MAGI1: variants seen among roughly 807,000 people sequenced by gnomAD.
MAGI1 encodes the protein membrane-associated guanylate kinase, WW and PDZ domain-containing protein 1.
MAGI1 carries 58 observed loss-of-function variants against 139.9 expected under a neutral mutation model. The observed-to-expected ratio is 0.41, with a 90% CI of 0.34 to 0.52. The LOEUF (loss-of-function observed/expected upper bound fraction) is 0.52. Among genes scored for constraint, MAGI1 ranks in the 20% least tolerant of loss-of-function variants. MAGI1 has a pLI of 0.12. For missense variants in MAGI1, 1,874 were observed against 1,901.6 expected, an observed-to-expected ratio of 0.99 and a Z score of 0.27; for synonymous variants, 812 against 737.9, an observed-to-expected ratio of 1.10 and a Z score of -1.63.
At chr3:65,593,399 G>GA (rs1016871198) in intron 2 of MAGI1, among the ~76,000 whole-genome samples, 1 of 147,748 alleles carries the variant, frequency 6.8e-6, no homozygotes, top group Non-Finnish European at 1.5e-5. Flanking sequence ...GATTGTGAAG[G>GA]ATGGGGGGGA....
chr3:65,576,402 A>G (rs1418900409), intron 2 of MAGI1, among the ~76,000 whole-genome samples: 1 of 152,162 alleles, frequency 6.6e-6, no homozygotes, highest in African/African-American at 2.4e-5. Flanking sequence ...GACAATGCTA[A>G]TCAATCCCCG....
intron 2 of MAGI1, among the ~76,000 whole-genome samples, chr3:65,524,313 A>G (rs961472822): frequency 5.3e-5 from 8 of 152,218 alleles, no homozygotes; most frequent in Non-Finnish European, 1.0e-4. Flanking sequence ...AACAATTGCC[A>G]TAGGTAAAAC....
intron 1 of MAGI1, among the ~76,000 whole-genome samples, chr3:65,751,626 T>C (rs2036162192): frequency 6.6e-6 from 1 of 152,206 alleles, no homozygotes; most frequent in Non-Finnish European, 1.5e-5. Flanking sequence ...ACAAAGGCAG[T>C]TTCCAAATGT....
At chr3:65,900,764 G>A (rs993267689) in intron 1 of MAGI1, among the ~76,000 whole-genome samples, 1 of 152,172 alleles carries the variant, frequency 6.6e-6, no homozygotes, top group Non-Finnish European at 1.5e-5. Flanking sequence ...CGCATAGAAC[G>A]CCATTACGCT....
intron 13 of MAGI1, among the ~76,000 whole-genome samples, chr3:65,397,661 A>C (rs987212490): frequency 6.6e-6 from 1 of 152,152 alleles, no homozygotes; most frequent in African/African-American, 2.4e-5. Context: ...GGGAACTCCA[A>C]AGTACTCCAC....
chr3:65,681,539 T>C (rs2087590989), intron 1 of MAGI1, among the ~76,000 whole-genome samples: 1 of 152,220 alleles, frequency 6.6e-6, no homozygotes, highest in African/African-American at 2.4e-5. Context: ...TACACTATCA[T>C]TTTGCTGTCA....
chr3:65,592,273 A>T (rs923522172), intron 2 of MAGI1, among the ~76,000 whole-genome samples: 12 of 152,358 alleles, frequency 7.9e-5, no homozygotes, highest in Middle Eastern at 3.4e-3. Context: ...GTAGGCATGC[A>T]TCTACTGACA....
chr3:65,949,990 A>G (rs2063720537), intron 1 of MAGI1, among the ~76,000 whole-genome samples: 1 of 140,816 alleles, frequency 7.1e-6, no homozygotes. Context: ...GGGAGGCTGC[A>G]GTGAGCCGAG....
chr3:65,388,950 C>T (rs901142215), intron 14 of MAGI1, among the ~76,000 whole-genome samples: 1 of 144,666 alleles, frequency 6.9e-6, no homozygotes, highest in Non-Finnish European at 1.5e-5. Flanking sequence ...TCCAGTGATG[C>T]CTCCTGCCTC....
intron 3 of MAGI1, among the ~76,000 whole-genome samples, chr3:65,482,907 C>T (rs936945569): frequency 6.6e-6 from 1 of 152,180 alleles, no homozygotes; most frequent in Admixed American, 6.5e-5. Context: ...TGTCTAAAGC[C>T]AATTCACATG....
Position 65,442,798 on chromosome 3 carries a change from T to C in MAGI1, c.1130A>G (p.Tyr377Cys), listed in dbSNP as rs1948436570. 1 of 1,612,248 alleles carries C rather than the reference T, an allele frequency of 6.2e-7. No individual in the cohort carries two copies. Among genetic ancestry groups the C allele is most frequent in the Middle Eastern group, 1.7e-4 (1 of 6,050 alleles). Residue 377 changes from tyrosine (Y) to cysteine (C), a missense_variant, in exon 8 of 23, where the codon TAT becomes TGT. By Grantham distance (194) the Tyr-to-Cys change is radical. This residue lies in a region of MAGI1 where 648 missense variants were observed against 598.1 expected (regional missense o/e 1.08). Coordinates refer to ENST00000402939, the MANE Select transcript of MAGI1 (RefSeq NM_001033057.2). ...KIEDPVYGIY[Y>C]VDHINRKTQY... ...ATTGTGAATGGGCACTTACTCTACA[T>C]AGTAGATACCATAGACAGGGTCTTC...
chr3:65,874,725 T>TC (rs1297548683), intron 1 of MAGI1: 1 of 152,166 alleles, frequency 6.6e-6, no homozygotes, highest in Non-Finnish European at 1.5e-5. Flanking sequence ...TTAAAGAGTT[T>TC]CCATTTGAAC....
At chr3:65,481,061 C>G (rs376915356) in intron 3 of MAGI1, among the ~76,000 whole-genome samples, 1 of 152,124 alleles carries the variant, frequency 6.6e-6, no homozygotes, top group Non-Finnish European at 1.5e-5. Flanking sequence ...AAGAGCATCA[C>G]GTTCAAATTT....
At chr3:66,015,805 C>A (rs1240173201) in intron 1 of MAGI1, among the ~76,000 whole-genome samples, 19 of 151,234 alleles carry the variant, frequency 1.3e-4, no homozygotes, top group Non-Finnish European at 2.8e-4. Flanking sequence ...AATGTCTATA[C>A]GCATTTTCTC....
chr3:65,955,205 G>A lies in MAGI1; in HGVS notation c.313+82791C>T, dbSNP rs1047718143. Among the ~76,000 whole-genome samples the A allele has an allele frequency of 2.6e-5, 4 of 152,296 alleles. 1 individual carries two copies. Among genetic ancestry groups the A allele is most frequent in the Admixed American group, 6.5e-5 (1 of 15,282 alleles). On this transcript the variant is annotated intron_variant, in intron 1 of 22. Transcript: ENST00000402939. ...ACGTTAGAGGTAAATAACTTTTTAA[G>A]CTAATAAAAAATAACCTTGGCCAGG... is the stretch of plus-strand genomic sequence containing the variant.
intron 10 of MAGI1, among the ~76,000 whole-genome samples, chr3:65,435,954 G>A (rs189717807): frequency 8.5e-5 from 13 of 152,260 alleles, no homozygotes; most frequent in African/African-American, 3.1e-4. Context: ...AAGAAGGCAT[G>A]AGCCTACAGA....
At chr3:65,461,776 C>T (rs1209529614) in intron 5 of MAGI1, among the ~76,000 whole-genome samples, 2 of 152,120 alleles carry the variant, frequency 1.3e-5, no homozygotes, top group African/African-American at 2.4e-5. Flanking sequence ...GCGTGAGCCA[C>T]CACGTCCAGC....
Position 65,963,303 on chromosome 3 carries a change from C to G in MAGI1, c.313+74693G>C, listed in dbSNP as rs2064550303. On this transcript the variant is annotated intron_variant, in intron 1 of 22. Coordinates refer to ENST00000402939, the MANE Select transcript of MAGI1 (RefSeq NM_001033057.2). ...CTCCAGCCTGGTCAACAGAGCGAGA[C>G]TCTGTCTCTTAAAAAAAAAAAAAAA... Among the ~76,000 whole-genome samples the G allele has an allele frequency of 6.2e-5, 3 of 48,536 alleles. No homozygotes were observed. The South Asian group carries it at 3.8e-3, about 61-fold the overall frequency. 31.8% of individuals were successfully genotyped at this position (48,536 alleles called of 152,430 possible). A position where few individuals can be genotyped will look rare whatever the true frequency, so the allele number is the denominator to read the frequency against.
chr3:65,463,826 G>C (rs1479549006), intron 5 of MAGI1, among the ~76,000 whole-genome samples: 1 of 152,118 alleles, frequency 6.6e-6, no homozygotes. Context: ...TCTATTCAGG[G>C]ATGCAACTTC....
Sources: gnomAD v4.1 joint callset for allele counts (sites outside exome capture counted in the v4.1 genomes callset) on GRCh38, gnomAD v4.1.1 for gene constraint, gnomAD v4.1.1 regional missense constraint, MANE v1.5 for transcripts, NCBI Gene and HGNC (gene_info 2026-07-23, HGNC 2026-07-21) for gene names.